MCPH1: variants seen among roughly 807,000 people sequenced by gnomAD.
The protein encoded by MCPH1 is microcephalin.
MCPH1 carries 104 observed loss-of-function variants against 84.5 expected under a neutral mutation model. The observed-to-expected ratio is 1.23, with a 90% CI of 1.05 to 1.45. The LOEUF is 1.45. Among genes scored for constraint, MCPH1 ranks in the 40% most tolerant of loss-of-function variants. The pLI is 0.00. For synonymous variants in MCPH1, 514 were observed against 366.8 expected (o/e 1.40, Z -4.58); for missense variants, 1,498 against 1,005.7 (o/e 1.49, Z -6.62).
intron 12 of MCPH1, among the ~76,000 whole-genome samples, chr8:6,543,265 C>G (rs1273294222): frequency 6.6e-6 from 1 of 152,210 alleles, no homozygotes. Context: ...CACAAGCCAT[C>G]TTCTGTACAT....
In MCPH1 at chr8:6,423,460, C is replaced by T. The variant is rs544923235; in HGVS notation, c.234-8039C>T. On this transcript the variant is annotated intron_variant, in intron 3 of 13. Transcript: ENST00000344683. ...GATTACTGGCATGAGCCCCTGCGCCCGGCCCATACACTTTAGTCAACTTTT... is the reference window on the plus strand; with the variant it reads ...GATTACTGGCATGAGCCCCTGCGCCTGGCCCATACACTTTAGTCAACTTTT... 2.1e-3 allele frequency among the ~76,000 whole-genome samples: 324 copies of T among 152,212 alleles called. 2 individuals are homozygous for T. Among genetic ancestry groups the T allele is most frequent in the African/African-American group, 7.6e-3 (317 of 41,534 alleles).
intron 12 of MCPH1, among the ~76,000 whole-genome samples, chr8:6,517,259 GGAACCTGATAT>G (rs1816436601): frequency 6.6e-6 from 1 of 152,160 alleles, no homozygotes. Flanking sequence ...GCATGGTGCA[GGAACCTGATAT>G]CTTTCTATAA....
intron 12 of MCPH1, among the ~76,000 whole-genome samples, chr8:6,504,255 T>C (rs987214065): frequency 2.7e-5 from 4 of 146,580 alleles, no homozygotes; most frequent in Non-Finnish European, 4.4e-5. Flanking sequence ...GAGGCGGAGC[T>C]TGCAGTGAGC....
chr8:6,519,062 T>G (rs1248316975), intron 12 of MCPH1, among the ~76,000 whole-genome samples: 2 of 152,148 alleles, frequency 1.3e-5, no homozygotes, highest in Non-Finnish European at 2.9e-5. Context: ...TCACGTTACA[T>G]GCAGTAATTG....
intron 12 of MCPH1, among the ~76,000 whole-genome samples, chr8:6,512,386 C>G (rs368130298): frequency 6.6e-6 from 1 of 152,266 alleles, no homozygotes; most frequent in Non-Finnish European, 1.5e-5. Flanking sequence ...GAGTGTCTGA[C>G]TTGGGCATTA....
At chr8:6,612,407 C>T (rs1266129411) in intron 12 of MCPH1, among the ~76,000 whole-genome samples, 1 of 152,212 alleles carries the variant, frequency 6.6e-6, no homozygotes, top group African/African-American at 2.4e-5. Context: ...TTTCATCCTT[C>T]TCCACGTGCC....
chr8:6,430,457 G>T lies in MCPH1; in HGVS notation c.234-1042G>T, dbSNP rs1252979340. On this transcript the variant is annotated intron_variant, in intron 3 of 13. Coordinates refer to ENST00000344683, the MANE Select transcript of MCPH1 (RefSeq NM_024596.5). The stretch of plus-strand genomic sequence containing the variant: ...TGACTTTACACACCCTCAGAAGGGG[G>T]TCAGGGATGCCAGGATGACATTCAC... Among the ~76,000 whole-genome samples, 8 of 152,332 alleles carry T rather than the reference G, an allele frequency of 5.3e-5. No individual in the cohort carries two copies. The South Asian group carries it at 1.2e-3, about 24-fold the overall frequency.
chr8:6,456,657 C>CT (rs35818409), intron 9 of MCPH1, among the ~76,000 whole-genome samples: 3,045 of 144,792 alleles, frequency 0.021, 93 homozygotes, highest in African/African-American at 0.064. Flanking sequence ...CCATGTCTGG[C>CT]TTTTTTTTTT....
rs183278452 is a variant in MCPH1 at position 6,626,095 on chromosome 8, A to G, written c.2452+4404A>G. The stretch of plus-strand genomic sequence containing the variant: ...TCTGCCTCTCAAGACCAACAACTCC[A>G]TATCTATGACGATAAAAATTGTTAG... On this transcript the variant is annotated intron_variant, in intron 13 of 13. Transcript: ENST00000344683. 1.7e-4 allele frequency: 163 copies of G among 985,342 alleles called. 4 individuals carry two copies. The African/African-American group carries it at 2.5e-3, about 15-fold the overall frequency. 61.0% of individuals were successfully genotyped at this position (985,342 alleles called of 1,614,324 possible).
At chr8:6,487,593 GAAGA>G (rs1424862423) in intron 11 of MCPH1, among the ~76,000 whole-genome samples, 1 of 152,152 alleles carries the variant, frequency 6.6e-6, no homozygotes, top group Non-Finnish European at 1.5e-5. Context: ...CTCATGTTAG[GAAGA>G]ATCTTCAGGG....
intron 12 of MCPH1, among the ~76,000 whole-genome samples, chr8:6,567,925 T>C (rs1207363353): frequency 6.6e-6 from 1 of 152,240 alleles, no homozygotes; most frequent in Non-Finnish European, 1.5e-5. Context: ...TTTTTGTCTG[T>C]AATAGTTCTG....
At chr8:6,506,659 A>T (rs2129565013) in intron 12 of MCPH1, among the ~76,000 whole-genome samples, 1 of 152,212 alleles carries the variant, frequency 6.6e-6, no homozygotes, top group Middle Eastern at 3.4e-3. Flanking sequence ...GATGAAGGAA[A>T]CAGGAAGCTT....
intron 12 of MCPH1, among the ~76,000 whole-genome samples, chr8:6,578,543 C>G (rs888851217): frequency 6.6e-6 from 1 of 152,194 alleles, no homozygotes; most frequent in African/African-American, 2.4e-5. Flanking sequence ...CAAAATCTCA[C>G]TATGTAATTG....
intron 11 of MCPH1, among the ~76,000 whole-genome samples, chr8:6,494,947 G>A (rs1811077501): frequency 2.0e-5 from 3 of 152,060 alleles, no homozygotes; most frequent in Admixed American, 6.6e-5. Flanking sequence ...TAGCTTTAAG[G>A]CACCACTACA....
intron 12 of MCPH1, among the ~76,000 whole-genome samples, chr8:6,544,809 T>C (rs1182546987): frequency 1.3e-5 from 2 of 152,204 alleles, no homozygotes; most frequent in Admixed American, 1.3e-4. Flanking sequence ...ATCTATAACA[T>C]CTGCTGAACT....
chr8:6,456,509 G>A (rs115976994), intron 9 of MCPH1, among the ~76,000 whole-genome samples: 1,590 of 152,218 alleles, frequency 0.01, 32 homozygotes, highest in African/African-American at 0.033. Flanking sequence ...TACCGTTCCC[G>A]TGCCTCTCCT....
intron 3 of MCPH1, among the ~76,000 whole-genome samples, chr8:6,415,106 T>G (rs1374638834): frequency 6.6e-6 from 1 of 151,898 alleles, no homozygotes; most frequent in Non-Finnish European, 1.5e-5. Context: ...AGCCTGCAGG[T>G]CCTGAAGCTG....
At chr8:6,421,919 C>A (rs1219113162) in intron 3 of MCPH1, among the ~76,000 whole-genome samples, 1 of 152,222 alleles carries the variant, frequency 6.6e-6, no homozygotes, top group African/African-American at 2.4e-5. Flanking sequence ...GTGCTGAGAA[C>A]TCTGCCCCGT....
chr8:6,641,344 G>C (rs1008153343), intron 13 of MCPH1, among the ~76,000 whole-genome samples: 3 of 152,162 alleles, frequency 2.0e-5, no homozygotes, highest in Non-Finnish European at 2.9e-5. Context: ...TATCGGAAAA[G>C]GCTTCCACCT....
Sources: allele counts gnomAD v4.1 joint callset (sites outside exome capture counted in the v4.1 genomes callset), GRCh38; gene constraint gnomAD v4.1.1; transcripts MANE v1.5; gene names NCBI Gene and HGNC (gene_info 2026-07-23, HGNC 2026-07-21).